The following EP400 variants were observed in gnomAD, a reference collection of about 807,000 sequenced individuals.
EP400 encodes E1A binding protein p400, also known as E1A-binding protein p400.
EP400 carries 105 observed loss-of-function variants against 354.1 expected under a neutral mutation model. The observed-to-expected ratio is 0.30, with a 90% CI of 0.25 to 0.35. The LOEUF is 0.35. EP400 is among the 10% of genes least tolerant of loss of function. The pLI is 1.00. For synonymous variants in EP400, 1,646 were observed against 1,716.9 expected (o/e 0.96, Z 1.02); for missense variants, 3,280 against 4,121.0 (o/e 0.80, Z 5.59).
intron 7 of EP400, among the ~76,000 whole-genome samples, chr12:131,989,262 G>GC (rs947994281): frequency 1.3e-5 from 2 of 152,236 alleles, no homozygotes; most frequent in African/African-American, 2.4e-5. Flanking sequence ...CCTTCCCCGT[G>GC]CCTCCTGCCT....
In EP400 at chr12:132,029,426, G is replaced by T. The variant is rs1224992981; in HGVS notation, c.5382-275G>T. ...GAGAATGGCTTATCTCTGACCTGGT[G>T]CCTGCGGCCTAGGGAATCCACCCCC... On this transcript the variant is annotated intron_variant, in intron 27 of 52. Transcript: ENST00000389561. The surrounding 1 kb of genome is among the most constrained non-coding windows in gnomAD (Gnocchi z 4.7). 1.5e-5 allele frequency: 8 copies of T among 520,846 alleles called. No homozygotes were observed. The highest frequency in any genetic ancestry group is 2.4e-5 in the Non-Finnish European group (7 of 292,562). The allele number at this position is 520,846 out of a possible 1,614,324, so 32.3% of individuals were successfully genotyped here. A position where few individuals can be genotyped will look rare whatever the true frequency, so the allele number is the denominator to read the frequency against.
chr12:132,072,643 G>T (rs1896099264), intron 51 of EP400, among the ~76,000 whole-genome samples: 2 of 152,208 alleles, frequency 1.3e-5, no homozygotes, highest in Non-Finnish European at 2.9e-5. Context: ...GGGTTCACTT[G>T]TGAGATGATT....
rs1034937265 is a variant in EP400, at chr12:132,027,839, A to G, written c.5110-178A>G. Among the ~76,000 whole-genome samples, 3 of 152,098 alleles carry G rather than the reference A, an allele frequency of 2.0e-5. No individual in the cohort carries two copies. The highest frequency in any genetic ancestry group is 7.2e-5 in the African/African-American group (3 of 41,398). On this transcript the variant is annotated intron_variant, in intron 26 of 52. Transcript: ENST00000389561. The surrounding 1 kb of genome is among the most constrained non-coding windows in gnomAD (Gnocchi z 4.9). ...CGCTTGTGCTCTCGGCTTCATTTCC[A>G]TCTCTATTTCCTGTAGCTCTCGGCT...
chr12:131,952,006 G>C (rs1472871286), intron 1 of EP400, among the ~76,000 whole-genome samples: 2 of 149,328 alleles, frequency 1.3e-5, no homozygotes, highest in Admixed American at 6.6e-5. Flanking sequence ...GGCTGGTCTT[G>C]AACTCCTGAC....
In EP400 at chr12:132,023,812, A is replaced by T; in HGVS notation, c.4726A>T (p.Ile1576Phe). The T allele has an allele frequency of 6.2e-7, 1 of 1,613,940 alleles. No homozygotes were observed. Among genetic ancestry groups the T allele is most frequent in the Non-Finnish European group, 8.5e-7 (1 of 1,179,940 alleles). Reference protein sequence around the residue: ...EVVKIAQLASITGPQSRVAQP... With the variant: ...EVVKIAQLASFTGPQSRVAQP... ...AGTGAAAATAGCTCAGCTGGCATCCATCACAGGACCACAGAGCCGCGTGGC... is the reference window on the plus strand; with the variant it reads ...AGTGAAAATAGCTCAGCTGGCATCCTTCACAGGACCACAGAGCCGCGTGGC... The change falls in exon 24 of 53, where the codon ATC (isoleucine) becomes TTC (phenylalanine). Residue 1576 changes from isoleucine to phenylalanine, a missense_variant. Ile to Phe is a conservative substitution (Grantham distance 21). Transcript: ENST00000389561.
chr12:131,977,835 G>T (rs1204386733), intron 2 of EP400, among the ~76,000 whole-genome samples: 4 of 152,160 alleles, frequency 2.6e-5, no homozygotes, highest in Non-Finnish European at 5.9e-5. Context: ...CCCCGTGTGA[G>T]TACAGAGTCT....
chr12:132,055,326 TG>T (rs1895449403), intron 45 of EP400, 118 bp downstream of exon 45: 8 of 858,618 alleles, frequency 9.3e-6, no homozygotes, highest in Non-Finnish European at 1.4e-5. Flanking sequence ...CTGTCTAGTT[TG>T]AATTTCATAA....
Position 132,072,419 on chromosome 12 carries a change from C to G in EP400, c.9021+2778C>G, listed in dbSNP as rs148061348. Among the ~76,000 whole-genome samples the G allele has an allele frequency of 2.6e-3, 402 of 152,300 alleles. 1 individual carries two copies. Among genetic ancestry groups the G allele is most frequent in the African/African-American group, 7.8e-3 (324 of 41,554 alleles). Reference sequence around the variant, plus strand: ...AATTTCCATTTTGATTTCTTATTTACTGCCTGGGTTCTTTTTAGAAGTGTT... The same window carrying G: ...AATTTCCATTTTGATTTCTTATTTAGTGCCTGGGTTCTTTTTAGAAGTGTT... On this transcript the variant is annotated intron_variant, in intron 51 of 52. Coordinates refer to ENST00000389561, the MANE Select transcript of EP400 (RefSeq NM_015409.5).
At chr12:132,030,978 T>TCA (rs1453925764) in intron 29 of EP400, among the ~76,000 whole-genome samples, 1 of 152,288 alleles carries the variant, frequency 6.6e-6, no homozygotes, top group East Asian at 1.9e-4. Flanking sequence ...CTGCTTTATC[T>TCA]CACACACACG....
chr12:132,014,835 T>TGATC (rs1401249839), intron 19 of EP400, among the ~76,000 whole-genome samples: 1 of 152,116 alleles, frequency 6.6e-6, no homozygotes, highest in Non-Finnish European at 1.5e-5. Context: ...AGACGCCAGG[T>TGATC]GATCGTATGA....
In EP400 at chr12:131,989,876, C is replaced by G. The variant is rs950600026; in HGVS notation, c.2410-88C>G. The stretch of plus-strand genomic sequence containing the variant: ...ACAGTGAATTGTATGTAATTTTAGT[C>G]TGAGAAGATTTAAAAAAAGTTACAT... On this transcript the variant is annotated intron_variant, in intron 7 of 52. Transcript: ENST00000389561. 3.8e-5 allele frequency: 56 copies of G among 1,478,486 alleles called. No homozygotes were observed. In the African/African-American group the frequency reaches 3.8e-4, roughly 10 times the overall value. 91.6% of individuals were successfully genotyped at this position (1,478,486 alleles called of 1,614,324 possible).
chr12:131,958,778 C>T (rs1891785212), intron 1 of EP400, among the ~76,000 whole-genome samples: 1 of 152,194 alleles, frequency 6.6e-6, no homozygotes, highest in African/African-American at 2.4e-5. Flanking sequence ...GTCTCAGCCT[C>T]CCCAGGTGCT....
At chr12:131,974,049 G>A (rs1231888062) in intron 2 of EP400, among the ~76,000 whole-genome samples, 1 of 148,704 alleles carries the variant, frequency 6.7e-6, no homozygotes, top group Admixed American at 6.8e-5. Context: ...CACGATCTCA[G>A]CTCACCACAA....
chr12:132,036,876 T>C (rs1894736259), intron 30 of EP400, among the ~76,000 whole-genome samples: 1 of 152,238 alleles, frequency 6.6e-6, no homozygotes, highest in Admixed American at 6.5e-5. Flanking sequence ...ATTTAGTTCC[T>C]TTGTTTGTGT....
chr12:132,045,066 G>A (rs1052830205), intron 37 of EP400, 113 bp downstream of exon 37: 2 of 1,461,882 alleles, frequency 1.4e-6, no homozygotes, highest in Non-Finnish European at 1.8e-6. Context: ...CTGCTGCAGG[G>A]CTAGCGATCA....
chr12:131,960,821 A>G lies in EP400; in HGVS notation c.202A>G (p.Thr68Ala), dbSNP rs1170383560. The G allele has an allele frequency of 1.9e-6, 3 of 1,613,492 alleles. No homozygotes were observed. The highest frequency in any genetic ancestry group is 2.2e-5 in the East Asian group (1 of 44,850). Residue 68 changes from threonine (T) to alanine (A), a missense_variant, in exon 2 of 53, where the codon ACC becomes GCC. Coordinates refer to ENST00000389561, the MANE Select transcript of EP400 (RefSeq NM_015409.5). ...GCAGCTGATGAATAGGAGCCCTGCAACCGGGCAGAACGTGAACATCACCCT... is the reference window on the plus strand; with the variant it reads ...GCAGCTGATGAATAGGAGCCCTGCAGCCGGGCAGAACGTGAACATCACCCT... ...IQQLMNRSPA[T>A]GQNVNITLQS...
rs962454365 is a variant in EP400, at chr12:131,991,608, T to C, written c.2679+152T>C. On this transcript the variant is annotated intron_variant, in intron 10 of 52. Coordinates refer to ENST00000389561, the MANE Select transcript of EP400 (RefSeq NM_015409.5). Reference sequence around the variant, plus strand: ...TTTTTTTTTTGTTTTAGAGACAGAGTCTTGCTCTGTCGCCCAGGCTGGAGT... The same window carrying C: ...TTTTTTTTTTGTTTTAGAGACAGAGCCTTGCTCTGTCGCCCAGGCTGGAGT... 6 of 696,772 alleles carry C rather than the reference T, an allele frequency of 8.6e-6. No homozygotes were observed. In the African/African-American group the frequency reaches 9.5e-5, roughly 11 times the overall value. 43.2% of individuals were successfully genotyped at this position (696,772 alleles called of 1,614,324 possible). A position where few individuals can be genotyped will look rare whatever the true frequency, so the allele number is the denominator to read the frequency against.
Position 132,021,851 on chromosome 12 carries a change from T to G in EP400, c.4690+530T>G, listed in dbSNP as rs184880147. Among the ~76,000 whole-genome samples the G allele has an allele frequency of 4.9e-4, 74 of 152,366 alleles. 1 individual carries two copies. Among genetic ancestry groups the G allele is most frequent in the African/African-American group, 1.7e-3 (72 of 41,582 alleles). On this transcript the variant is annotated intron_variant, in intron 23 of 52. Transcript: ENST00000389561. The stretch of plus-strand genomic sequence containing the variant: ...TAATTTATGACTTAAAAAACACAGT[T>G]ATTAATTTTTTTAATACAGAACATT...
intron 2 of EP400, among the ~76,000 whole-genome samples, chr12:131,975,756 G>A (rs1024378193): frequency 1.3e-5 from 2 of 151,828 alleles, no homozygotes; most frequent in African/African-American, 4.8e-5. Flanking sequence ...ATGAATTTTC[G>A]CCACGTTGGT....
Sources: allele counts gnomAD v4.1 joint callset (sites outside exome capture counted in the v4.1 genomes callset), GRCh38; gene constraint gnomAD v4.1.1; non-coding constraint Gnocchi (gnomAD v3.1); transcripts MANE v1.5; gene names NCBI Gene and HGNC (gene_info 2026-07-23, HGNC 2026-07-21).